The following RNGTT variants were observed in gnomAD, a reference collection of about 807,000 sequenced individuals.
RNGTT encodes mRNA-capping enzyme.
RNGTT carries 33 observed loss-of-function variants against 79.3 expected under a neutral mutation model. The ratio of observed to expected loss-of-function variants is 0.42; its 90% CI spans 0.32 to 0.56. The LOEUF (loss-of-function observed/expected upper bound fraction) is 0.56, where lower values mean the gene tolerates loss of function less well. Among genes scored for constraint, RNGTT ranks in the 20% least tolerant of loss-of-function variants. The pLI is 0.17. For synonymous variants in RNGTT, 222 were observed against 235.9 expected (o/e 0.94, Z 0.54); for missense variants, 497 against 739.1 (o/e 0.67, Z 3.80).
chr6:88,709,210 CAGG>C (rs1776240170), intron 13 of RNGTT, among the ~76,000 whole-genome samples: 1 of 151,848 alleles, frequency 6.6e-6, no homozygotes, highest in Admixed American at 6.6e-5. Context: ...GAGGCTGAGG[CAGG>C]AGAACCACTT....
intron 13 of RNGTT, among the ~76,000 whole-genome samples, chr6:88,759,168 T>C (rs2127834859): frequency 6.6e-6 from 1 of 152,362 alleles, no homozygotes; most frequent in South Asian, 2.1e-4. Flanking sequence ...AGTTCATAAT[T>C]CATTACTGTC....
At chr6:88,960,672 CAGAA>C (rs1415373092) in intron 1 of RNGTT, among the ~76,000 whole-genome samples, 3 of 152,158 alleles carry the variant, frequency 2.0e-5, no homozygotes, top group African/African-American at 7.2e-5. Context: ...TCTATTAACT[CAGAA>C]GGAGGAAAAA....
intron 1 of RNGTT, among the ~76,000 whole-genome samples, chr6:88,949,159 GAAAAAAAA>G: frequency 2.4e-4 from 12 of 50,512 alleles, no homozygotes; most frequent in Non-Finnish European, 3.5e-4. Context: ...AAAATAAAAT[GAAAAAAAA>G]AAAAAAAAAA....
At chr6:88,795,210 C>G (rs976664601) in intron 12 of RNGTT, among the ~76,000 whole-genome samples, 30 of 152,196 alleles carry the variant, frequency 2.0e-4, no homozygotes, top group Admixed American at 1.9e-3. Flanking sequence ...TAGCAACTAT[C>G]TTTTCAACTC....
intron 13 of RNGTT, among the ~76,000 whole-genome samples, chr6:88,760,585 A>G (rs1424585809): frequency 1.3e-5 from 2 of 152,226 alleles, no homozygotes; most frequent in Non-Finnish European, 2.9e-5. Context: ...CAAATAGCTT[A>G]GTCATTAAGC....
At chr6:88,678,455 CCTT>C (rs958727284) in intron 13 of RNGTT, 36 bp from the exon 14 acceptor site, 6 of 1,305,612 alleles carry the variant, frequency 4.6e-6, no homozygotes, top group African/African-American at 3.0e-5. Context: ...ATAAAATACT[CCTT>C]CTTATAAATA....
chr6:88,649,639 G>A lies in RNGTT; in HGVS notation c.1506+28714C>T, dbSNP rs183347760. Among the ~76,000 whole-genome samples, 19 of 152,210 alleles carry A rather than the reference G, an allele frequency of 1.2e-4. No homozygotes were observed. In the East Asian group the frequency reaches 3.5e-3, roughly 28 times the overall value. ...GTGAACCCGGGAGGTGGAGCTTGCAGTGAGCCGAGATCGCGCCACTGCACT... is the reference window on the plus strand; with the variant it reads ...GTGAACCCGGGAGGTGGAGCTTGCAATGAGCCGAGATCGCGCCACTGCACT... On this transcript the variant is annotated intron_variant, in intron 14 of 15. Coordinates refer to ENST00000369485, the MANE Select transcript of RNGTT (RefSeq NM_003800.5).
intron 14 of RNGTT, among the ~76,000 whole-genome samples, chr6:88,672,500 G>A (rs1774691831): frequency 6.6e-6 from 1 of 152,078 alleles, no homozygotes; most frequent in African/African-American, 2.4e-5. Context: ...TAGGAGCTAA[G>A]CTGTGAGAAT....
chr6:88,922,082 ATTT>A (rs1007167484), intron 4 of RNGTT, among the ~76,000 whole-genome samples: 1 of 151,732 alleles, frequency 6.6e-6, no homozygotes, highest in East Asian at 1.9e-4. Context: ...ATATTAAATA[ATTT>A]TTTAGAGACC....
At chr6:88,829,564 A>G (rs1354268320) in intron 11 of RNGTT, among the ~76,000 whole-genome samples, 1 of 152,174 alleles carries the variant, frequency 6.6e-6, no homozygotes, top group African/African-American at 2.4e-5. Flanking sequence ...TGCCCCAAAT[A>G]AAAGACACAG....
intron 12 of RNGTT, among the ~76,000 whole-genome samples, chr6:88,790,123 GAT>G (rs1384829817): frequency 6.6e-6 from 1 of 152,142 alleles, no homozygotes; most frequent in Admixed American, 6.5e-5. Flanking sequence ...AATTTTAAAA[GAT>G]AGAAAGTACA....
intron 13 of RNGTT, among the ~76,000 whole-genome samples, chr6:88,684,239 C>T (rs917275353): frequency 2.0e-4 from 30 of 152,104 alleles, no homozygotes; most frequent in African/African-American, 7.2e-4. Flanking sequence ...CCACCAATGC[C>T]GGCAAGGATG....
intron 13 of RNGTT, among the ~76,000 whole-genome samples, chr6:88,681,218 T>C (rs1425537408): frequency 6.6e-6 from 1 of 152,192 alleles, no homozygotes; most frequent in African/African-American, 2.4e-5. Flanking sequence ...TAAAAATCAA[T>C]ATGCCTCTAA....
intron 13 of RNGTT, among the ~76,000 whole-genome samples, chr6:88,762,377 C>G (rs1778297911): frequency 6.6e-6 from 1 of 152,164 alleles, no homozygotes; most frequent in Non-Finnish European, 1.5e-5. Flanking sequence ...AAGGGAAATA[C>G]AAAAATTAGT....
chr6:88,646,985 A>C (rs553267359), intron 14 of RNGTT, among the ~76,000 whole-genome samples: 103 of 152,344 alleles, frequency 6.8e-4, no homozygotes, highest in Admixed American at 1.7e-3. Flanking sequence ...ACAAACCTGC[A>C]CGTTGTGCAC....
intron 8 of RNGTT, among the ~76,000 whole-genome samples, chr6:88,869,199 C>G (rs1782278378): frequency 1.3e-5 from 2 of 152,256 alleles, no homozygotes; most frequent in African/African-American, 4.8e-5. Flanking sequence ...GTTGTAATTT[C>G]TCCATTTACT....
In RNGTT at chr6:88,904,810, C is replaced by T. The variant is rs760865592; in HGVS notation, c.589G>A (p.Asp197Asn). The T allele has an allele frequency of 1.2e-6, 2 of 1,614,136 alleles. No individual in the cohort carries two copies. Among genetic ancestry groups the T allele is most frequent in the Non-Finnish European group, 1.7e-6 (2 of 1,180,038 alleles). ...PLLPDWCFED[D>N]EDEDEDEDGK... The stretch of plus-strand genomic sequence containing the variant: ...TCCTCATCCTCATCTTCGTCTTCAT[C>T]ATCCTCAAAACACCAATCTGGCAAT... Residue 197 changes from aspartate (D) to asparagine (N), a missense_variant, in exon 6 of 16, where the codon GAT becomes AAT. Around this residue, in one of 3 missense-constraint regions of RNGTT, gnomAD observed 440 missense variants for 671.5 expected, o/e 0.66. Coordinates refer to ENST00000369485, the MANE Select transcript of RNGTT (RefSeq NM_003800.5).
chr6:88,830,608 C>CA (rs947332503), intron 11 of RNGTT, among the ~76,000 whole-genome samples: 121 of 139,870 alleles, frequency 8.7e-4, no homozygotes, highest in African/African-American at 1.4e-3. Context: ...GAGAGAGACA[C>CA]AAAAAAAAAA....
At chr6:88,740,422 GTA>G (rs1202603920) in intron 13 of RNGTT, among the ~76,000 whole-genome samples, 1 of 152,030 alleles carries the variant, frequency 6.6e-6, no homozygotes, top group Non-Finnish European at 1.5e-5. Context: ...AGAGGCTGAG[GTA>G]AAGAGGATCA....
Sources: allele counts gnomAD v4.1 joint callset (sites outside exome capture counted in the v4.1 genomes callset), GRCh38; gene constraint gnomAD v4.1.1; regional missense constraint gnomAD v4.1.1; transcripts MANE v1.5; gene names NCBI Gene and HGNC (gene_info 2026-07-23, HGNC 2026-07-21).